DRC4: variants seen among roughly 807,000 people sequenced by gnomAD.
DRC4 encodes GAS-11.
At chr16:90,041,402 C>G in the DRC4 span, among the ~76,000 whole-genome samples, 6 of 152,224 alleles carry the variant, frequency 3.9e-5, no homozygotes, top group Non-Finnish European at 8.8e-5. Context: ...CTGGGCCCAG[C>G]AGTGCCCCAC....
At chr16:90,038,370 T>C in the DRC4 span, among the ~76,000 whole-genome samples, 1 of 152,188 alleles carries the variant, frequency 6.6e-6, no homozygotes, top group Non-Finnish European at 1.5e-5. Flanking sequence ...CTTTTTAATC[T>C]CACAGTGTAT....
the DRC4 span, among the ~76,000 whole-genome samples, chr16:90,034,892 C>CTT: frequency 0.019 from 1,035 of 53,876 alleles, 183 homozygotes; most frequent in African/African-American, 0.044. Context: ...CCCACCTAAT[C>CTT]TTTTTTTTTT....
At chr16:90,035,533 T>C in the DRC4 span, 1 of 1,486,190 alleles carries the variant, frequency 6.7e-7, no homozygotes, top group Non-Finnish European at 9.4e-7. Context: ...AGTTAGGGAA[T>C]ATGGAGGTGA....
the DRC4 span, chr16:90,020,033 C>T: frequency 1.4e-6 from 1 of 693,798 alleles, no homozygotes. Flanking sequence ...CCCCATGTCC[C>T]TATCGCCCAG....
the DRC4 span, chr16:90,037,938 G>A: frequency 1.7e-6 from 2 of 1,179,318 alleles, no homozygotes; most frequent in Non-Finnish European, 2.5e-6. Context: ...CACTAGGCTG[G>A]CCCTGCAGTG....
the DRC4 span, chr16:90,036,831 G>C: frequency 1.6e-6 from 1 of 640,062 alleles, no homozygotes; most frequent in East Asian, 2.9e-5. Context: ...AAGTAATGAA[G>C]TGTGTTCTGG....
At chr16:90,034,350 G>A in the DRC4 span, among the ~76,000 whole-genome samples, 2 of 152,170 alleles carry the variant, frequency 1.3e-5, no homozygotes, top group African/African-American at 4.8e-5. Flanking sequence ...TAGGCCGGGT[G>A]CGGTGGCTCA....
At chr16:90,022,593 G>C in the DRC4 span, 1 of 1,097,502 alleles carries the variant, frequency 9.1e-7, no homozygotes, top group South Asian at 2.1e-5. Context: ...CAGGGCCGCT[G>C]CCCGGCGGAG....
the DRC4 span, chr16:90,035,914 C>T: frequency 6.9e-7 from 1 of 1,440,918 alleles, no homozygotes; most frequent in Non-Finnish European, 9.1e-7. Flanking sequence ...CACACACATT[C>T]CCACTCCTAG....
At chr16:90,044,482 C>T in the DRC4 span, 1 of 470,912 alleles carries the variant, frequency 2.1e-6, no homozygotes, top group Admixed American at 2.3e-5. Flanking sequence ...CAGCCCCCTC[C>T]AGCCCACTGG....
the DRC4 span, among the ~76,000 whole-genome samples, chr16:90,023,607 A>C: frequency 7.3e-6 from 1 of 137,788 alleles, no homozygotes; most frequent in East Asian, 1.9e-4. Flanking sequence ...AGGGATTAAA[A>C]AGAGAGCAGT....
the DRC4 span, among the ~76,000 whole-genome samples, chr16:90,023,333 AAG>A: frequency 1.1e-4 from 17 of 152,116 alleles, no homozygotes; most frequent in Admixed American, 7.9e-4. Context: ...CCAGACCGAG[AAG>A]AGGAAGGCGG....
At chr16:90,032,323 G>C in the DRC4 span, among the ~76,000 whole-genome samples, 7 of 151,198 alleles carry the variant, frequency 4.6e-5, no homozygotes, top group African/African-American at 1.7e-4. Context: ...TGGTGTGGGT[G>C]AGCAGGAGTG....
At chr16:90,032,883 C>G in the DRC4 span, 1 of 1,613,848 alleles carries the variant, frequency 6.2e-7, no homozygotes, top group Non-Finnish European at 8.5e-7. Context: ...GCTCAAGGAG[C>G]AGGAGCTGGC....
the DRC4 span, chr16:90,035,923 A>G: frequency 2.8e-6 from 4 of 1,432,590 alleles, no homozygotes; most frequent in Non-Finnish European, 3.7e-6. Context: ...TCCCACTCCT[A>G]GCTAAAATCA....
the DRC4 span, chr16:90,040,650 C>A: frequency 2.0e-6 from 1 of 510,584 alleles, no homozygotes; most frequent in South Asian, 2.0e-5. Flanking sequence ...TTTCCTGTGG[C>A]CAGTTTCGGG....
chr16:90,020,125 G>A, the DRC4 span: 1 of 598,368 alleles, frequency 1.7e-6, no homozygotes, highest in Non-Finnish European at 3.0e-6. Context: ...TCATTTTGAA[G>A]CAAATTATAT....
chr16:90,028,531 G>A, the DRC4 span, among the ~76,000 whole-genome samples: 17 of 152,280 alleles, frequency 1.1e-4, no homozygotes, highest in East Asian at 2.3e-3. Flanking sequence ...AGGAGTAACA[G>A]CATCAGGGCT....
chr16:90,023,075 C>T, the DRC4 span, among the ~76,000 whole-genome samples: 1 of 152,166 alleles, frequency 6.6e-6, no homozygotes, highest in East Asian at 1.9e-4. Flanking sequence ...CTGTTGGATC[C>T]CTGGGACCTA....
Sources: gnomAD v4.1 joint callset for allele counts (sites outside exome capture counted in the v4.1 genomes callset) on GRCh38, gnomAD v4.1.1 for gene constraint, MANE v1.5 for transcripts, NCBI Gene and HGNC (gene_info 2026-07-23, HGNC 2026-07-21) for gene names.